The following PAPPA2 variants were observed in gnomAD, a reference collection of about 807,000 sequenced individuals.
PAPPA2 encodes the protein pappalysin-2.
A neutral mutation model predicts 176.4 loss-of-function variants in PAPPA2; 86 were observed. The observed-to-expected ratio is 0.49, with a 90% CI of 0.41 to 0.58. The LOEUF is 0.58. Ranked by LOEUF, PAPPA2 falls within the 20% of genes least tolerant of loss-of-function variation. The pLI, the probability that PAPPA2 is intolerant of heterozygous loss-of-function variation, is 0.00. For missense variants in PAPPA2, 2,073 were observed against 2,256.9 expected (o/e 0.92, Z 1.65); for synonymous variants, 809 against 852.2 (o/e 0.95, Z 0.88).
At chr1:176,550,125 T>C (rs1010079042) in intron 1 of PAPPA2, among the ~76,000 whole-genome samples, 6 of 152,240 alleles carry the variant, frequency 3.9e-5, no homozygotes, top group African/African-American at 7.2e-5. Flanking sequence ...TCTGGCTTCT[T>C]TCACTTAGCA....
At chr1:176,576,006 A>G (rs748488522) in intron 2 of PAPPA2, among the ~76,000 whole-genome samples, 1 of 152,154 alleles carries the variant, frequency 6.6e-6, no homozygotes, top group Non-Finnish European at 1.5e-5. Flanking sequence ...CATTGTTCAG[A>G]TGGACTGTAC....
intron 1 of PAPPA2, among the ~76,000 whole-genome samples, chr1:176,489,465 A>G (rs905156872): frequency 6.6e-6 from 1 of 152,178 alleles, no homozygotes; most frequent in African/African-American, 2.4e-5. Flanking sequence ...AGATATTACC[A>G]TATTGATCCT....
intron 17 of PAPPA2, among the ~76,000 whole-genome samples, chr1:176,789,243 T>G (rs1201559687): frequency 6.6e-6 from 1 of 152,224 alleles, no homozygotes; most frequent in Non-Finnish European, 1.5e-5. Context: ...TGAGTTCATG[T>G]CCTTTGCAGG....
At chr1:176,671,331 A>T (rs1658986117) in intron 4 of PAPPA2, among the ~76,000 whole-genome samples, 1 of 152,248 alleles carries the variant, frequency 6.6e-6, no homozygotes, top group Non-Finnish European at 1.5e-5. Context: ...GCAAATGCTC[A>T]GGATGTTCTA....
At chr1:176,517,311 A>T (rs1350283616) in intron 1 of PAPPA2, among the ~76,000 whole-genome samples, 1 of 152,170 alleles carries the variant, frequency 6.6e-6, no homozygotes, top group Admixed American at 6.5e-5. Context: ...ATTAGCTAAG[A>T]TTCCAAACAG....
rs991257645 is a variant in PAPPA2 at position 176,500,779 on chromosome 1, A to T, written c.-917+37361A>T. On this transcript the variant is annotated intron_variant, in intron 1 of 22. Coordinates refer to ENST00000367662, the MANE Select transcript of PAPPA2 (RefSeq NM_020318.3). Reference sequence around the variant, plus strand: ...ATTCAATACCAATTTCCCCTAACCTATGTATGTGATAACATAAATCTAAAC... The same window carrying T: ...ATTCAATACCAATTTCCCCTAACCTTTGTATGTGATAACATAAATCTAAAC... 2.6e-5 allele frequency among the ~76,000 whole-genome samples: 4 copies of T among 151,306 alleles called. 1 individual carries two copies. In the South Asian group the frequency reaches 6.2e-4, roughly 23 times the overall value.
intron 1 of PAPPA2, among the ~76,000 whole-genome samples, chr1:176,540,025 C>A (rs1478786989): frequency 6.6e-6 from 1 of 152,146 alleles, no homozygotes; most frequent in East Asian, 1.9e-4. Flanking sequence ...GGGAAGGACT[C>A]CACCTTCTTT....
At chr1:176,489,400 C>A (rs1398419325) in intron 1 of PAPPA2, among the ~76,000 whole-genome samples, 1 of 152,110 alleles carries the variant, frequency 6.6e-6, no homozygotes, top group Admixed American at 6.6e-5. Flanking sequence ...GAGTCAAATA[C>A]CCTTTATGAA....
At chr1:176,769,826 C>A in intron 16 of PAPPA2, 42 bp downstream of exon 16, 11 of 1,535,558 alleles carry the variant, frequency 7.2e-6, no homozygotes, top group Non-Finnish European at 9.7e-6. Context: ...AGTTCTCTGC[C>A]ATCCCTCGCT....
chr1:176,715,156 T>A (rs1661311395), intron 12 of PAPPA2, among the ~76,000 whole-genome samples: 2 of 152,174 alleles, frequency 1.3e-5, no homozygotes, highest in South Asian at 4.1e-4. Context: ...TTACCTCCAG[T>A]GCACTAATAA....
chr1:176,625,485 A>T (rs2102700250), intron 3 of PAPPA2, among the ~76,000 whole-genome samples: 2 of 152,322 alleles, frequency 1.3e-5, no homozygotes, highest in Admixed American at 1.3e-4. Context: ...AAATCAGTAA[A>T]TACACAAATA....
chr1:176,480,858 T>TAA (rs1338889211), intron 1 of PAPPA2, among the ~76,000 whole-genome samples: 1 of 148,176 alleles, frequency 6.7e-6, no homozygotes, highest in Non-Finnish European at 1.5e-5. Context: ...ACGAAAACAC[T>TAA]AAAGCCAGTC....
At chr1:176,575,677 C>T (rs1652602315) in intron 2 of PAPPA2, among the ~76,000 whole-genome samples, 1 of 152,164 alleles carries the variant, frequency 6.6e-6, no homozygotes, top group Non-Finnish European at 1.5e-5. Flanking sequence ...TTAATAACAG[C>T]TAACATTTTT....
intron 3 of PAPPA2, among the ~76,000 whole-genome samples, chr1:176,669,723 C>A (rs1477246185): frequency 1.3e-5 from 2 of 152,030 alleles, no homozygotes; most frequent in African/African-American, 2.4e-5. Flanking sequence ...GTTTTTGGTT[C>A]TGTTCCAAAA....
chr1:176,645,541 T>G (rs1657348645), intron 3 of PAPPA2, among the ~76,000 whole-genome samples: 1 of 151,836 alleles, frequency 6.6e-6, no homozygotes. Flanking sequence ...TAAATACTGC[T>G]GCAGTAAACA....
At chr1:176,527,628 C>G (rs1480282224) in intron 1 of PAPPA2, among the ~76,000 whole-genome samples, 2 of 152,104 alleles carry the variant, frequency 1.3e-5, no homozygotes, top group African/African-American at 4.8e-5. Flanking sequence ...TTTGGTTTTG[C>G]CCCCACACTC....
chr1:176,802,822 G>T (rs1665739457), intron 21 of PAPPA2, among the ~76,000 whole-genome samples: 1 of 152,168 alleles, frequency 6.6e-6, no homozygotes, highest in East Asian at 1.9e-4. Flanking sequence ...ATATTCTCTT[G>T]GCATAAGGAT....
intron 3 of PAPPA2, among the ~76,000 whole-genome samples, 193 bp from the exon 4 acceptor site, chr1:176,670,777 A>T (rs1399275039): frequency 6.6e-6 from 1 of 152,202 alleles, no homozygotes; most frequent in Non-Finnish European, 1.5e-5. Flanking sequence ...TATACTATTT[A>T]TTGGAATAAG....
chr1:176,797,545 G>T (rs879346970), intron 20 of PAPPA2, among the ~76,000 whole-genome samples: 13 of 152,208 alleles, frequency 8.5e-5, no homozygotes, highest in Non-Finnish European at 1.9e-4. Context: ...TAGTCAGGAG[G>T]CTGACGCAGG....
Sources: gnomAD v4.1 joint callset for allele counts (sites outside exome capture counted in the v4.1 genomes callset) on GRCh38, gnomAD v4.1.1 for gene constraint, MANE v1.5 for transcripts, NCBI Gene and HGNC (gene_info 2026-07-23, HGNC 2026-07-21) for gene names.